The following TRIOBP variants were observed in gnomAD, a reference collection of about 807,000 sequenced individuals.
TRIOBP encodes TRIO and F-actin binding protein.
Under a neutral mutation model 238.8 loss-of-function variants are expected in TRIOBP, and 169 were observed. The ratio of observed to expected loss-of-function variants is 0.71; its 90% CI spans 0.62 to 0.80. The LOEUF is 0.80. Ranked by LOEUF, TRIOBP falls within the 30% of genes least tolerant of loss-of-function variation. TRIOBP has a pLI of 0.00. For synonymous variants in TRIOBP, 1,150 were observed against 1,274.4 expected (o/e 0.90, Z 2.08); for missense variants, 2,838 against 3,122.6 (o/e 0.91, Z 2.17).
At chr22:37,743,838 T>TGG (rs1569050357) in intron 11 of TRIOBP, among the ~76,000 whole-genome samples, 1 of 120,310 alleles carries the variant, frequency 8.3e-6, no homozygotes. Flanking sequence ...TGTGTGTGTG[T>TGG]GTGTGTGCTG....
intron 9 of TRIOBP, among the ~76,000 whole-genome samples, chr22:37,735,935 A>T (rs1924649334): frequency 6.6e-6 from 1 of 152,214 alleles, no homozygotes; most frequent in Admixed American, 6.5e-5. Flanking sequence ...CAGTGTGGGC[A>T]TGCCCCTTCC....
chr22:37,766,829 T>TGGGCAGCTGCAATCCCAGCTACTCAGGA (rs1246845901), intron 18 of TRIOBP, among the ~76,000 whole-genome samples: 1 of 150,914 alleles, frequency 6.6e-6, no homozygotes, highest in Non-Finnish European at 1.5e-5. Flanking sequence ...GGCGTGATGG[T>TGGGCAGCTGCAATCCCAGCTACTCAGGA]GGGCAGCTGC....
At position 37,723,819 on chromosome 22, in the gene TRIOBP, T is replaced by C. The variant is rs566207993; in HGVS notation, c.1263T>C (p.Asn421=). The change falls in exon 7 of 24, where the codon AAT becomes AAC. Residue 421 remains asparagine, a synonymous_variant. Coordinates refer to ENST00000644935, the MANE Select transcript of TRIOBP (RefSeq NM_001039141.3). ...NPKASRTSSP[N]RATRDNPRTS... ...AAGCCTCCAGAACCTCCTCTCCCAA[T>C]AGAGCCACACGAGACAACCCCAGAA... 589 of 1,593,746 alleles carry C rather than the reference T, an allele frequency of 3.7e-4. 10 individuals carry two copies. The South Asian group carries it at 6.2e-3, about 17-fold the overall frequency.
At chr22:37,700,046 T>C (rs62236743) in intron 2 of TRIOBP, among the ~76,000 whole-genome samples, 28,019 of 151,350 alleles carry the variant, frequency 0.19, 3,174 homozygotes, top group South Asian at 0.29. Context: ...GCCCAGCTAA[T>C]TTTTGTATTT....
intron 3 of TRIOBP, among the ~76,000 whole-genome samples, chr22:37,705,107 G>C (rs897913806): frequency 6.6e-6 from 1 of 151,484 alleles, no homozygotes; most frequent in African/African-American, 2.4e-5. Flanking sequence ...AGGTGCAGTG[G>C]TTCATGCCTG....
At chr22:37,747,092 G>A (rs1421325133) in intron 11 of TRIOBP, among the ~76,000 whole-genome samples, 3 of 152,188 alleles carry the variant, frequency 2.0e-5, no homozygotes, top group African/African-American at 7.2e-5. Flanking sequence ...TTCTCATGGG[G>A]GTGAGCTGTA....
At chr22:37,736,361 G>T (rs1450923300) in intron 9 of TRIOBP, among the ~76,000 whole-genome samples, 1 of 152,112 alleles carries the variant, frequency 6.6e-6, no homozygotes, top group African/African-American at 2.4e-5. Flanking sequence ...GTTCCTGCTT[G>T]TTTCTCCAAA....
rs1926643435 is a variant in TRIOBP at position 37,769,184 on chromosome 22, C to T, written c.6732C>T (p.Asn2244=). ...QQEGQELLRH[N]QELHGRLSEE... The stretch of plus-strand genomic sequence containing the variant: ...AGGGCCAGGAGCTGCTGCGCCACAA[C>T]CAGGTGGGCCTGGCCCCAGGTTGGG... Residue 2244 remains asparagine, a synonymous_variant, in exon 20 of 24, where the codon AAC becomes AAT. Coordinates refer to ENST00000644935, the MANE Select transcript of TRIOBP (RefSeq NM_001039141.3). 1 of 1,607,012 alleles carries T rather than the reference C, an allele frequency of 6.2e-7. No individual in the cohort carries two copies. The highest frequency in any genetic ancestry group is 1.3e-5 in the African/African-American group (1 of 74,778).
At chr22:37,749,345 T>C (rs1280960244) in intron 11 of TRIOBP, among the ~76,000 whole-genome samples, 1 of 151,842 alleles carries the variant, frequency 6.6e-6, no homozygotes, top group Non-Finnish European at 1.5e-5. Context: ...GCAGAGACTC[T>C]GTCTCAAAAA....
intron 21 of TRIOBP, among the ~76,000 whole-genome samples, chr22:37,770,344 G>A (rs905201097): frequency 3.3e-5 from 5 of 150,112 alleles, no homozygotes; most frequent in African/African-American, 4.9e-5. Context: ...CAGCCACTCC[G>A]GAGGCTGAGG....
intron 21 of TRIOBP, 144 bp from the exon 22 acceptor site, chr22:37,771,506 C>T (rs545739445): frequency 1.9e-4 from 134 of 710,102 alleles, no homozygotes; most frequent in Middle Eastern, 3.9e-4. Context: ...TGGAGGAGTC[C>T]GCCTCCAGGA....
rs140901235 is a variant in TRIOBP at position 37,723,371 on chromosome 22, C to T, written c.815C>T (p.Thr272Ile). The change falls in exon 7 of 24, where the codon ACA becomes ATA. Residue 272 changes from threonine (T) to isoleucine (I), a missense_variant. Physicochemically the swap from Thr to Ile is moderately conservative, Grantham distance 89. Coordinates refer to ENST00000644935, the MANE Select transcript of TRIOBP (RefSeq NM_001039141.3). ...AQRDTAQAAS[T>I]REIPRASSPH... is the part of the protein sequence containing the mutation. ...AGGGACACTGCTCAGGCTGCCTCTA[C>T]ACGTGAAATCCCCAGAGCCTCCTCT... The T allele has an allele frequency of 6.2e-7, 1 of 1,614,104 alleles. No homozygotes were observed. The highest frequency in any genetic ancestry group is 1.3e-5 in the African/African-American group (1 of 75,006).
chr22:37,740,753 G>C (rs1227256975), intron 10 of TRIOBP, 142 bp from the exon 11 acceptor site: 1 of 1,252,664 alleles, frequency 8.0e-7, no homozygotes, highest in Non-Finnish European at 1.1e-6. Flanking sequence ...AGCTCGTCTC[G>C]GCAGTTCTGG....
At chr22:37,772,375 T>A (rs1438805622) in intron 22 of TRIOBP, among the ~76,000 whole-genome samples, 3 of 152,070 alleles carry the variant, frequency 2.0e-5, no homozygotes, top group Non-Finnish European at 4.4e-5. Context: ...GGTCAAAATC[T>A]TCTCCCCCGA....
At chr22:37,749,015 T>C (rs1385008070) in intron 11 of TRIOBP, among the ~76,000 whole-genome samples, 1 of 152,100 alleles carries the variant, frequency 6.6e-6, no homozygotes, top group Non-Finnish European at 1.5e-5. Flanking sequence ...AAGAGTGTGA[T>C]GAGGCTTCCC....
chr22:37,755,061 C>G (rs751381341), intron 13 of TRIOBP, 40 bp from the exon 14 acceptor site: 2 of 1,610,822 alleles, frequency 1.2e-6, no homozygotes, highest in Admixed American at 1.7e-5. Context: ...GTGGGTCACA[C>G]CAGGGCCCAC....
chr22:37,767,999 C>T (rs1288630596), intron 18 of TRIOBP, 75 bp from the exon 19 acceptor site: 9 of 1,103,668 alleles, frequency 8.2e-6, no homozygotes, highest in African/African-American at 3.1e-5. Context: ...GTACATGTGG[C>T]GTCTCAGAGC....
At chr22:37,753,343 C>T (rs554271151) in intron 12 of TRIOBP, among the ~76,000 whole-genome samples, 19 of 152,174 alleles carry the variant, frequency 1.2e-4, no homozygotes, top group African/African-American at 2.9e-4. Flanking sequence ...GGCGCAACCT[C>T]GGCTCACTGT....
At chr22:37,757,254 T>C (rs1925972965) in intron 15 of TRIOBP, among the ~76,000 whole-genome samples, 1 of 152,112 alleles carries the variant, frequency 6.6e-6, no homozygotes, top group South Asian at 2.1e-4. Flanking sequence ...TCCCAGCTAC[T>C]CCAGAGGCCG....
Sources: gnomAD v4.1 joint callset for allele counts (sites outside exome capture counted in the v4.1 genomes callset) on GRCh38, gnomAD v4.1.1 for gene constraint, MANE v1.5 for transcripts, NCBI Gene and HGNC (gene_info 2026-07-23, HGNC 2026-07-21) for gene names.